ZNF804A: variants seen among roughly 807,000 people sequenced by gnomAD.
ZNF804A encodes the protein zinc finger protein 804A.
A neutral mutation model predicts 16.5 loss-of-function variants in ZNF804A; 2 were observed. That is an observed-to-expected ratio of 0.12 (90% confidence interval 0.05 to 0.38). ZNF804A has a LOEUF of 0.38. Among genes scored for constraint, ZNF804A ranks in the 10% least tolerant of loss-of-function variants. The pLI is 0.99. For missense variants in ZNF804A, 1,473 were observed against 1,390.7 expected (o/e 1.06, Z -0.94); for synonymous variants, 534 against 489.6 (o/e 1.09, Z -1.20).
At chr2:184,785,319 C>T (rs932192365) in intron 1 of ZNF804A, among the ~76,000 whole-genome samples, 1 of 151,862 alleles carries the variant, frequency 6.6e-6, no homozygotes, top group African/African-American at 2.4e-5. Context: ...CATTTCAAGT[C>T]TAAATACTCT....
intron 1 of ZNF804A, among the ~76,000 whole-genome samples, chr2:184,623,159 G>T (rs569612767): frequency 6.6e-6 from 1 of 151,868 alleles, no homozygotes; most frequent in East Asian, 1.9e-4. Flanking sequence ...TGCAATAATA[G>T]TAAGTACAAC....
intron 1 of ZNF804A, among the ~76,000 whole-genome samples, chr2:184,646,891 T>A: frequency 6.6e-6 from 1 of 152,322 alleles, no homozygotes; most frequent in South Asian, 2.1e-4. Flanking sequence ...CCAGCTCTAC[T>A]CATCTTGGCC....
chr2:184,784,190 T>C (rs1694414036), intron 1 of ZNF804A, among the ~76,000 whole-genome samples: 1 of 151,914 alleles, frequency 6.6e-6, no homozygotes, highest in Non-Finnish European at 1.5e-5. Flanking sequence ...AACCATGTTA[T>C]CTTTTAAGGA....
intron 1 of ZNF804A, among the ~76,000 whole-genome samples, chr2:184,659,852 G>A (rs1161286694): frequency 6.6e-6 from 1 of 152,188 alleles, no homozygotes; most frequent in Non-Finnish European, 1.5e-5. Context: ...GCACCTTACA[G>A]CTGAAGTATA....
At chr2:184,638,096 C>T (rs1380361177) in intron 1 of ZNF804A, among the ~76,000 whole-genome samples, 2 of 152,122 alleles carry the variant, frequency 1.3e-5, no homozygotes, top group African/African-American at 2.4e-5. Context: ...TTAATATCCC[C>T]GTGCTGTAAA....
intron 1 of ZNF804A, among the ~76,000 whole-genome samples, chr2:184,798,255 T>C (rs531580799): frequency 6.6e-6 from 1 of 152,014 alleles, no homozygotes; most frequent in Non-Finnish European, 1.5e-5. Flanking sequence ...CAGGTGTTCT[T>C]TGTGCTTTTT....
At chr2:184,872,250 G>T (rs759716522) in intron 2 of ZNF804A, among the ~76,000 whole-genome samples, 41 of 152,076 alleles carry the variant, frequency 2.7e-4, no homozygotes, top group Admixed American at 3.9e-4. Context: ...ATCAGTCTTT[G>T]TGATGAAATA....
intron 1 of ZNF804A, among the ~76,000 whole-genome samples, chr2:184,659,479 C>T (rs1261673067): frequency 1.3e-5 from 2 of 151,560 alleles, no homozygotes; most frequent in East Asian, 3.9e-4. Flanking sequence ...ATATATAAAA[C>T]AAATATATAT....
chr2:184,933,215 G>A (rs914702566), intron 2 of ZNF804A, among the ~76,000 whole-genome samples: 1 of 151,346 alleles, frequency 6.6e-6, no homozygotes, highest in Admixed American at 6.6e-5. Flanking sequence ...CAAAATATAA[G>A]AAAACATATT....
At chr2:184,843,831 A>G (rs1441384105) in intron 1 of ZNF804A, among the ~76,000 whole-genome samples, 1 of 152,106 alleles carries the variant, frequency 6.6e-6, no homozygotes, top group Non-Finnish European at 1.5e-5. Context: ...ACTCACTCTG[A>G]CAATTGTCAC....
At position 184,825,065 on chromosome 2, in the gene ZNF804A, T is replaced by A. The variant is rs569923195; in HGVS notation, c.112-41304T>A. Among the ~76,000 whole-genome samples the A allele has an allele frequency of 2.7e-4, 41 of 152,262 alleles. 1 individual carries two copies. In the East Asian group the frequency reaches 7.7e-3, roughly 29 times the overall value. On this transcript the variant is annotated intron_variant, in intron 1 of 3. Transcript: ENST00000302277. ...GAAATGTGAAATTTTATTATGGCTG[T>A]TTTTAGAAAATATAGTCTGTCTCCA...
At chr2:184,821,199 C>T (rs181578678) in intron 1 of ZNF804A, among the ~76,000 whole-genome samples, 2 of 152,174 alleles carry the variant, frequency 1.3e-5, no homozygotes, top group African/African-American at 4.8e-5. Flanking sequence ...CAGCATGGTA[C>T]TGGTACAAAG....
intron 2 of ZNF804A, among the ~76,000 whole-genome samples, chr2:184,898,156 T>A (rs891629379): frequency 1.3e-5 from 2 of 152,150 alleles, no homozygotes; most frequent in Non-Finnish European, 2.9e-5. Context: ...GACACTATAC[T>A]TAACCCTGTG....
intron 1 of ZNF804A, among the ~76,000 whole-genome samples, chr2:184,632,293 G>T (rs1188000769): frequency 6.6e-6 from 1 of 152,134 alleles, no homozygotes; most frequent in Non-Finnish European, 1.5e-5. Flanking sequence ...TTCAATCAGT[G>T]AGTTTAACTA....
At chr2:184,655,797 C>T (rs1692066090) in intron 1 of ZNF804A, among the ~76,000 whole-genome samples, 1 of 151,214 alleles carries the variant, frequency 6.6e-6, no homozygotes, top group South Asian at 2.1e-4. Flanking sequence ...ATATTTTCTG[C>T]CTTAACAATT....
chr2:184,660,832 A>T (rs931181204), intron 1 of ZNF804A, among the ~76,000 whole-genome samples: 1 of 152,264 alleles, frequency 6.6e-6, no homozygotes, highest in Non-Finnish European at 1.5e-5. Context: ...CGTTGCACCT[A>T]GTGAGTTCTC....
chr2:184,858,084 T>C (rs1162543719), intron 1 of ZNF804A, among the ~76,000 whole-genome samples: 8 of 152,262 alleles, frequency 5.3e-5, no homozygotes, highest in Non-Finnish European at 1.5e-5. Flanking sequence ...TACTATTTTC[T>C]TTAGTGATAG....
At chr2:184,877,017 A>T (rs17431603) in intron 2 of ZNF804A, among the ~76,000 whole-genome samples, 7,676 of 151,912 alleles carry the variant, frequency 0.051, 255 homozygotes, top group Middle Eastern at 0.078. Context: ...TATATGCATT[A>T]AAAAAAACTA....
chr2:184,841,295 A>T (rs1225483573), intron 1 of ZNF804A, among the ~76,000 whole-genome samples: 1 of 152,218 alleles, frequency 6.6e-6, no homozygotes, highest in Non-Finnish European at 1.5e-5. Context: ...CAAGTAGGCT[A>T]TCAAAATATC....
Sources: allele counts gnomAD v4.1 joint callset (sites outside exome capture counted in the v4.1 genomes callset), GRCh38; gene constraint gnomAD v4.1.1; transcripts MANE v1.5; gene names NCBI Gene and HGNC (gene_info 2026-07-23, HGNC 2026-07-21).